The following DPEP1 variants were observed in gnomAD, a reference collection of about 807,000 sequenced individuals.
The protein encoded by DPEP1 is dipeptidase 1, also known as beta-lactamase.
Under a neutral mutation model 42.3 loss-of-function variants are expected in DPEP1, and 50 were observed. That is an observed-to-expected ratio of 1.18 (90% CI 0.94 to 1.50). The LOEUF is 1.50. Among genes scored for constraint, DPEP1 ranks in the 40% most tolerant of loss-of-function variants. DPEP1 has a pLI of 0.00. For missense variants in DPEP1, 663 were observed against 553.0 expected (o/e 1.20, Z -1.99); for synonymous variants, 297 against 234.0 (o/e 1.27, Z -2.46).
intron 1 of DPEP1, among the ~76,000 whole-genome samples, chr16:89,617,144 TTC>T (rs941698538): frequency 2.0e-5 from 3 of 152,032 alleles, no homozygotes; most frequent in African/African-American, 7.2e-5. Flanking sequence ...TTGGGGACAA[TTC>T]TCTCTTATTA....
In DPEP1 at chr16:89,630,576, C is replaced by T. The variant is rs59241435; in HGVS notation, c.104+62C>T. 1,044 of 221,518 alleles carry T rather than the reference C, an allele frequency of 4.7e-3. 27 individuals are homozygous for T. Among genetic ancestry groups the T allele is most frequent in the African/African-American group, 0.044 (957 of 21,584 alleles). 13.7% of individuals were successfully genotyped at this position (221,518 alleles called of 1,614,324 possible). On this transcript the variant is annotated intron_variant, in intron 2 of 10. Coordinates refer to ENST00000690203, the MANE Select transcript of DPEP1 (RefSeq NM_001389466.1). ...GGACTGGGAACTGGGGCTGGGAGAG[C>T]GGGGCTGGGGGAGCCGGGGCTGGGG...
chr16:89,613,382 A>C (rs2059349568), upstream of DPEP1: 2 of 152,264 alleles, frequency 1.3e-5, no homozygotes, highest in South Asian at 4.1e-4. Flanking sequence ...AAGCTGCTGG[A>C]GAAGTTTCTA....
chr16:89,638,599 G>A (rs146886848), downstream of DPEP1: 1,192 of 696,908 alleles, frequency 1.7e-3, 4 homozygotes, highest in Middle Eastern at 4.0e-3. Flanking sequence ...CTGCTTGAGC[G>A]TCTTTAGGGA....
At chr16:89,614,551 G>C (rs1182702724) in intron 1 of DPEP1, among the ~76,000 whole-genome samples, 1 of 152,112 alleles carries the variant, frequency 6.6e-6, no homozygotes, top group Non-Finnish European at 1.5e-5. Context: ...TCCCCACACT[G>C]TGGGAGGCCG....
chr16:89,621,972 T>C (rs542066639), intron 1 of DPEP1, among the ~76,000 whole-genome samples: 2 of 152,272 alleles, frequency 1.3e-5, no homozygotes, highest in East Asian at 3.9e-4. Flanking sequence ...TGGATGGGGC[T>C]TCTGTGTGGT....
At chr16:89,632,353 G>A (rs926786073) in intron 2 of DPEP1, among the ~76,000 whole-genome samples, 6 of 152,140 alleles carry the variant, frequency 3.9e-5, no homozygotes, top group Non-Finnish European at 5.9e-5. Flanking sequence ...GCGCCCGGCC[G>A]GGGGTCACAG....
At chr16:89,634,091 C>CTTTTTTTTTTTTTTTTT (rs3039849) in intron 2 of DPEP1, among the ~76,000 whole-genome samples, 1 of 123,688 alleles carries the variant, frequency 8.1e-6, no homozygotes, top group Non-Finnish European at 1.6e-5. Flanking sequence ...TTCTCTTCTT[C>CTTTTTTTTTTTTTTTTT]TTTTTTTTTT....
intron 1 of DPEP1, chr16:89,616,764 G>T: frequency 3.6e-6 from 1 of 276,788 alleles, no homozygotes. Context: ...AGAGCGACCA[G>T]GAAGCGGCCA....
chr16:89,624,934 C>T (rs1269987242), intron 1 of DPEP1, among the ~76,000 whole-genome samples: 1 of 152,194 alleles, frequency 6.6e-6, no homozygotes, highest in African/African-American at 2.4e-5. Context: ...AAACTGGTGT[C>T]TGCAGATGAA....
chr16:89,638,369 G>A lies in DPEP1; in HGVS notation c.*147G>A. 1 of 1,423,574 alleles carries A rather than the reference G, an allele frequency of 7.0e-7. No individual in the cohort carries two copies. The highest frequency in any genetic ancestry group is 9.1e-7 in the Non-Finnish European group (1 of 1,093,990). 88.2% of individuals were successfully genotyped at this position (1,423,574 alleles called of 1,614,324 possible). ...ACGCCTGGGCTTACCTGGGGGGCAG[G>A]ATGCCTGGGGACAGTTCAGGACACA... On this transcript the variant is annotated 3_prime_UTR_variant, in exon 11 of 11. Transcript: ENST00000690203.
Position 89,636,533 on chromosome 16 carries a change from G to T in DPEP1, c.371G>T (p.Gly124Val). 6.2e-7 allele frequency: 1 copy of T among 1,612,066 alleles called. No homozygotes were observed. ...CCCTGCACCCTGACTCTCCCCGCAG[G>T]CATTCGGCAGGCCTTCCGGGAAGGG... ...ETFLYVTSSA[G>V]IRQAFREGKV... Residue 124 changes from glycine to valine, a missense_variant and splice_region_variant, in exon 5 of 11, where the codon GGC (glycine) becomes GTC (valine). Transcript: ENST00000690203.
At chr16:89,630,571 G>C in intron 2 of DPEP1, 57 bp downstream of exon 2, 1 of 761,496 alleles carries the variant, frequency 1.3e-6, no homozygotes, top group Middle Eastern at 3.9e-4. Context: ...CTGGGGCTGG[G>C]AGAGCGGGGC....
At position 89,630,477 on chromosome 16, in the gene DPEP1, G is replaced by T; in HGVS notation, c.67G>T (p.Ala23Ser). ...CACTGCAGACTTCTTTCGGGACGAG[G>T]CAGAGAGGATCATGAGGGACTCCCC... ...VCTADFFRDEAERIMRDSPVI... is the reference protein window; with the variant it reads ...VCTADFFRDESERIMRDSPVI... The change falls in exon 2 of 11, where the codon GCA becomes TCA. Residue 23 changes from alanine to serine, a missense_variant. Ala to Ser is a moderately conservative substitution (Grantham distance 99). Transcript: ENST00000690203. 1 of 1,609,368 alleles carries T rather than the reference G, an allele frequency of 6.2e-7. No individual in the cohort carries two copies. The highest frequency in any genetic ancestry group is 8.5e-7 in the Non-Finnish European group (1 of 1,178,334).
In DPEP1 at chr16:89,637,363, G is replaced by A. The variant is rs1326249112; in HGVS notation, c.751G>A (p.Asp251Asn). The A allele has an allele frequency of 3.6e-5, 58 of 1,612,144 alleles. No homozygotes were observed. Among genetic ancestry groups the A allele is most frequent in the Non-Finnish European group, 4.7e-5 (56 of 1,179,944 alleles). ...VCASRRNVPD[D>N]VLRLVKQTDS... The stretch of plus-strand genomic sequence containing the variant: ...CGCAAGCCGGCGCAACGTGCCTGAC[G>A]ACGTCCTGAGGCTGGTGGTGAGGGC... The change falls in exon 7 of 11, where the codon GAC becomes AAC. Residue 251 changes from aspartate (D) to asparagine (N), a missense_variant. Physicochemically the swap from Asp to Asn is conservative, Grantham distance 23. Coordinates refer to ENST00000690203, the MANE Select transcript of DPEP1 (RefSeq NM_001389466.1).
In DPEP1 at chr16:89,637,469, AACAG is replaced by A. The variant is rs766402259; in HGVS notation, c.779_782del (p.Asp260AlafsTer3). 94 of 1,612,700 alleles carry A rather than the reference AACAG, an allele frequency of 5.8e-5. No individual in the cohort carries two copies. The highest frequency in any genetic ancestry group is 1.6e-4 in the Middle Eastern group (1 of 6,082). On this transcript the variant is annotated frameshift_variant and splice_region_variant, in exon 8 of 11. Coordinates refer to ENST00000690203, the MANE Select transcript of DPEP1 (RefSeq NM_001389466.1). LOFTEE classifies it high-confidence loss of function. ...CACCCTGTCTTCCTTCTTGTGCAGA[AACAG>A]ACAGACAGCCTGGTGATGGTGAACT... is the stretch of plus-strand genomic sequence containing the variant.
At chr16:89,617,350 G>C (rs918894191) in intron 1 of DPEP1, among the ~76,000 whole-genome samples, 4 of 152,142 alleles carry the variant, frequency 2.6e-5, no homozygotes, top group Non-Finnish European at 1.5e-5. Flanking sequence ...AAGCGCTCCT[G>C]CCTCACGAGG....
rs779442315 is a variant in DPEP1 at position 89,636,653 on chromosome 16, T to C, written c.491T>C (p.Leu164Pro). ...CTCTATCAGCTGGGCATGCGGTACC[T>C]GACCCTCACCCACAGCTGCAACACG... is the stretch of plus-strand genomic sequence containing the variant. Reference protein sequence around the residue: ...RALYQLGMRYLTLTHSCNTPW... With the variant: ...RALYQLGMRYPTLTHSCNTPW... Residue 164 changes from leucine (L) to proline (P), a missense_variant, in exon 5 of 11, where the codon CTG becomes CCG. Transcript: ENST00000690203. 2.5e-6 allele frequency: 4 copies of C among 1,612,522 alleles called. No homozygotes were observed. Among genetic ancestry groups the C allele is most frequent in the Non-Finnish European group, 3.4e-6 (4 of 1,179,934 alleles).
At chr16:89,640,976 G>A (rs970693514), downstream of DPEP1, among the ~76,000 whole-genome samples, 20 of 152,224 alleles carry the variant, frequency 1.3e-4, no homozygotes, top group African/African-American at 4.1e-4. Context: ...ATAAGGTCAC[G>A]CGAGTCACGT....
rs1410384180 is a variant in DPEP1 at position 89,636,696 on chromosome 16, C to T, written c.521+13C>T. On this transcript the variant is annotated intron_variant, in intron 5 of 10. Transcript: ENST00000690203. ...GCAACACGCCCTGGTGCGTGACTCCCCATGGGAGGCCCCCGGGCTGTGGTC... is the reference window on the plus strand; with the variant it reads ...GCAACACGCCCTGGTGCGTGACTCCTCATGGGAGGCCCCCGGGCTGTGGTC... 3.7e-6 allele frequency: 6 copies of T among 1,611,610 alleles called. No individual in the cohort carries two copies. The highest frequency in any genetic ancestry group is 2.7e-5 in the African/African-American group (2 of 74,928).
Sources: gnomAD v4.1 joint callset for allele counts (sites outside exome capture counted in the v4.1 genomes callset) on GRCh38, gnomAD v4.1.1 for gene constraint, MANE v1.5 for transcripts, NCBI Gene and HGNC (gene_info 2026-07-23, HGNC 2026-07-21) for gene names.